ZFAND3: variants seen among roughly 807,000 people sequenced by gnomAD.
ZFAND3 encodes zinc finger AN1-type containing 3.
Under a neutral mutation model 29.6 loss-of-function variants are expected in ZFAND3, and 10 were observed. The observed-to-expected ratio is 0.34, with a 90% CI of 0.21 to 0.57. The LOEUF is 0.57. Ranked by LOEUF, ZFAND3 falls within the 20% of genes least tolerant of loss-of-function variation. ZFAND3 has a pLI of 0.86. For missense variants in ZFAND3, 230 were observed against 304.5 expected, an observed-to-expected ratio of 0.76 and a Z score of 1.82; for synonymous variants, 128 against 112.6, an observed-to-expected ratio of 1.14 and a Z score of -0.87.
chr6:38,038,237 C>T (rs1180409059), intron 2 of ZFAND3, among the ~76,000 whole-genome samples: 1 of 152,122 alleles, frequency 6.6e-6, no homozygotes, highest in African/African-American at 2.4e-5. Flanking sequence ...TGTTAGAGAG[C>T]TTTGTTACCC....
chr6:38,149,674 C>T (rs1459265751), intron 5 of ZFAND3, among the ~76,000 whole-genome samples: 1 of 152,082 alleles, frequency 6.6e-6, no homozygotes, highest in African/African-American at 2.4e-5. Flanking sequence ...CACTAGCTGG[C>T]GGAAGGCAAG....
chr6:37,909,193 A>G (rs1268075360), intron 1 of ZFAND3, among the ~76,000 whole-genome samples: 1 of 152,178 alleles, frequency 6.6e-6, no homozygotes, highest in African/African-American at 2.4e-5. Context: ...GCAAGATGAT[A>G]GAGAAATTAA....
At chr6:38,010,068 A>G (rs1231217664) in intron 2 of ZFAND3, among the ~76,000 whole-genome samples, 1 of 152,234 alleles carries the variant, frequency 6.6e-6, no homozygotes. Context: ...GAATATTGAC[A>G]TAAATGTGAA....
At chr6:37,900,888 G>T (rs886414461) in intron 1 of ZFAND3, among the ~76,000 whole-genome samples, 1 of 152,152 alleles carries the variant, frequency 6.6e-6, no homozygotes, top group African/African-American at 2.4e-5. Context: ...CCGAGATTCA[G>T]AGTTTAAAAT....
chr6:38,039,763 C>A (rs1345778691), intron 2 of ZFAND3, among the ~76,000 whole-genome samples: 1 of 152,016 alleles, frequency 6.6e-6, no homozygotes, highest in African/African-American at 2.4e-5. Flanking sequence ...GGGAGGAGAA[C>A]CGTAGCTTTA....
At chr6:37,947,985 A>G (rs1250541092) in intron 2 of ZFAND3, among the ~76,000 whole-genome samples, 1 of 152,040 alleles carries the variant, frequency 6.6e-6, no homozygotes, top group Non-Finnish European at 1.5e-5. Context: ...AACATTTTGT[A>G]TGACCCTCAT....
chr6:37,942,728 G>A (rs79523900), intron 2 of ZFAND3, among the ~76,000 whole-genome samples: 9,713 of 152,174 alleles, frequency 0.064, 430 homozygotes, highest in Non-Finnish European at 0.093. Context: ...TAGCACAGAT[G>A]TTTCTGAATA....
intron 2 of ZFAND3, among the ~76,000 whole-genome samples, chr6:37,935,130 AT>A (rs1761674856): frequency 1.3e-5 from 2 of 152,102 alleles, no homozygotes; most frequent in African/African-American, 4.8e-5. Flanking sequence ...AGTGTTGATT[AT>A]TTTTATATTA....
intron 2 of ZFAND3, among the ~76,000 whole-genome samples, chr6:37,965,332 C>T (rs1294459379): frequency 6.6e-6 from 1 of 152,136 alleles, no homozygotes; most frequent in East Asian, 1.9e-4. Flanking sequence ...GATCTGTGGA[C>T]TGTGAGTAGC....
At chr6:37,863,353 G>A (rs1438780923) in intron 1 of ZFAND3, among the ~76,000 whole-genome samples, 1 of 152,180 alleles carries the variant, frequency 6.6e-6, no homozygotes, top group African/African-American at 2.4e-5. Context: ...TAGGTGGAAA[G>A]AAACTTCTGT....
intron 2 of ZFAND3, among the ~76,000 whole-genome samples, chr6:37,947,387 G>A (rs1162677176): frequency 6.6e-6 from 1 of 152,096 alleles, no homozygotes; most frequent in African/African-American, 2.4e-5. Context: ...TTAAAAAGTT[G>A]TGGTGGCTTA....
At chr6:37,893,027 A>G (rs1765131268) in intron 1 of ZFAND3, among the ~76,000 whole-genome samples, 2 of 152,080 alleles carry the variant, frequency 1.3e-5, no homozygotes, top group Non-Finnish European at 2.9e-5. Flanking sequence ...ACATTTAAAG[A>G]ATTAATACCA....
intron 2 of ZFAND3, among the ~76,000 whole-genome samples, chr6:38,054,738 G>T (rs559670409): frequency 6.6e-6 from 1 of 152,098 alleles, no homozygotes; most frequent in East Asian, 1.9e-4. Context: ...TATGCATAAG[G>T]TGATAAGGTT....
At chr6:37,886,280 A>AAAAAAAAAAAAAAAAAAAAAAAAAAAAC (rs1561922411) in intron 1 of ZFAND3, among the ~76,000 whole-genome samples, 2 of 128,866 alleles carry the variant, frequency 1.6e-5, no homozygotes, top group African/African-American at 6.1e-5. Flanking sequence ...AAAAAAAAAA[A>AAAAAAAAAAAAAAAAAAAAAAAAAAAAC]AGTTCAAAGA....
intron 4 of ZFAND3, among the ~76,000 whole-genome samples, chr6:38,113,347 T>A (rs553197332): frequency 1.5e-4 from 23 of 152,316 alleles, no homozygotes; most frequent in African/African-American, 5.5e-4. Context: ...CAGTATATCA[T>A]ACCAGAAGCT....
chr6:37,839,062 G>A (rs2127372635), intron 1 of ZFAND3, among the ~76,000 whole-genome samples: 1 of 152,118 alleles, frequency 6.6e-6, no homozygotes, highest in East Asian at 1.9e-4. Flanking sequence ...GACTGATGAT[G>A]TTGAGTATCA....
intron 1 of ZFAND3, among the ~76,000 whole-genome samples, chr6:37,903,249 T>C (rs1472650512): frequency 6.6e-6 from 1 of 152,190 alleles, no homozygotes; most frequent in Non-Finnish European, 1.5e-5. Flanking sequence ...AAGGTGTAAA[T>C]ATTTAAGCTT....
At chr6:38,053,415 G>A (rs1764069079) in intron 2 of ZFAND3, among the ~76,000 whole-genome samples, 2 of 151,864 alleles carry the variant, frequency 1.3e-5, no homozygotes, top group South Asian at 4.1e-4. Context: ...TGGGCATGGT[G>A]TCTCATTCCT....
intron 2 of ZFAND3, among the ~76,000 whole-genome samples, chr6:37,986,607 G>A (rs990385809): frequency 3.3e-5 from 5 of 152,048 alleles, no homozygotes; most frequent in South Asian, 2.1e-4. Context: ...TCCCAACCCC[G>A]TCTGTCCAGC....
Sources: allele counts gnomAD v4.1 joint callset (sites outside exome capture counted in the v4.1 genomes callset), GRCh38; gene constraint gnomAD v4.1.1; transcripts MANE v1.5; gene names NCBI Gene and HGNC (gene_info 2026-07-23, HGNC 2026-07-21).